CTNNA2: variants seen among roughly 807,000 people sequenced by gnomAD.
CTNNA2 encodes the protein catenin alpha 2, also known as catenin alpha-2.
A neutral mutation model predicts 101.0 loss-of-function variants in CTNNA2; 42 were observed. That is an observed-to-expected ratio of 0.42 (90% CI 0.32 to 0.54). The LOEUF (loss-of-function observed/expected upper bound fraction) is 0.54. Ranked by LOEUF, CTNNA2 falls within the 20% of genes least tolerant of loss-of-function variation. CTNNA2 has a pLI of 0.14. For missense variants in CTNNA2, 871 were observed against 1,223.1 expected, an observed-to-expected ratio of 0.71 and a Z score of 4.29; for synonymous variants, 450 against 456.4, an observed-to-expected ratio of 0.99 and a Z score of 0.18.
At chr2:80,293,201 C>T (rs1675418236) in intron 7 of CTNNA2, among the ~76,000 whole-genome samples, 1 of 152,152 alleles carries the variant, frequency 6.6e-6, no homozygotes, top group Non-Finnish European at 1.5e-5. Flanking sequence ...CAGCTGAAGA[C>T]AGATTGTTGC....
intron 7 of CTNNA2, among the ~76,000 whole-genome samples, chr2:80,346,540 A>G (rs1053374767): frequency 6.6e-6 from 1 of 152,140 alleles, no homozygotes; most frequent in African/African-American, 2.4e-5. Flanking sequence ...TTCAACATGA[A>G]ATTGGGGTGG....
At chr2:79,634,115 G>T (rs1679863536) in intron 1 of CTNNA2, among the ~76,000 whole-genome samples, 1 of 152,186 alleles carries the variant, frequency 6.6e-6, no homozygotes, top group Non-Finnish European at 1.5e-5. Context: ...TTTATCAAGA[G>T]AATAATTTTG....
chr2:80,267,646 A>T (rs1024585860), intron 7 of CTNNA2, among the ~76,000 whole-genome samples: 1 of 152,198 alleles, frequency 6.6e-6, no homozygotes, highest in African/African-American at 2.4e-5. Flanking sequence ...GAGAACATAA[A>T]AAAAGGGTTC....
intron 7 of CTNNA2, among the ~76,000 whole-genome samples, chr2:79,956,387 G>T (rs994486744): frequency 6.6e-6 from 1 of 152,046 alleles, no homozygotes; most frequent in South Asian, 2.1e-4. Context: ...CAATATTTAC[G>T]TTTAAAGAAA....
chr2:79,467,374 A>G (rs918212496), intron 4 of CTNNA2, among the ~76,000 whole-genome samples: 1 of 152,242 alleles, frequency 6.6e-6, no homozygotes, highest in Non-Finnish European at 1.5e-5. Context: ...ATTTGGGACT[A>G]TGTGAAAAGA....
rs575267906 is a variant in CTNNA2, at chr2:79,677,896, T to C, written c.102+26238T>C. Reference sequence around the variant, plus strand: ...GTGGACATGTGTAACATGGGCATCCTGTCCTCCGGAAAGACATTTAAGATG... The same window carrying C: ...GTGGACATGTGTAACATGGGCATCCCGTCCTCCGGAAAGACATTTAAGATG... On this transcript the variant is annotated intron_variant, in intron 2 of 18. Transcript: ENST00000402739. 2.5e-4 allele frequency among the ~76,000 whole-genome samples: 38 copies of C among 152,378 alleles called. No individual in the cohort carries two copies. In the South Asian group the frequency reaches 7.7e-3, roughly 31 times the overall value.
chr2:79,669,254 T>C (rs1256916781), intron 2 of CTNNA2, among the ~76,000 whole-genome samples: 2 of 152,344 alleles, frequency 1.3e-5, no homozygotes, highest in African/African-American at 2.4e-5. Flanking sequence ...CAGTCAAATA[T>C]CTGCTAGTTG....
intron 1 of CTNNA2, among the ~76,000 whole-genome samples, chr2:79,589,329 G>T (rs970424953): frequency 6.6e-6 from 1 of 152,108 alleles, no homozygotes; most frequent in African/African-American, 2.4e-5. Flanking sequence ...TTAGCCTGGA[G>T]AAATTACTTA....
chr2:79,523,400 A>C (rs1672226449), intron 1 of CTNNA2: 1 of 222,488 alleles, frequency 4.5e-6, no homozygotes, highest in Non-Finnish European at 9.0e-6. Context: ...TATAGTTTAA[A>C]GATATCTCCA....
chr2:79,840,662 C>T (rs1410380598), intron 3 of CTNNA2, among the ~76,000 whole-genome samples: 1 of 152,016 alleles, frequency 6.6e-6, no homozygotes, highest in Non-Finnish European at 1.5e-5. Context: ...TGGCTGGGTA[C>T]AGTAGCTCAC....
intron 7 of CTNNA2, among the ~76,000 whole-genome samples, chr2:80,229,940 G>A (rs777135166): frequency 1.4e-4 from 22 of 152,142 alleles, no homozygotes; most frequent in Non-Finnish European, 1.8e-4. Context: ...ATATGATAGC[G>A]GTGGTCCTAT....
chr2:80,169,651 G>A (rs1704921010), intron 7 of CTNNA2, among the ~76,000 whole-genome samples: 1 of 152,066 alleles, frequency 6.6e-6, no homozygotes, highest in Non-Finnish European at 1.5e-5. Context: ...TTCCTACCTT[G>A]GCGGCACCTT....
At chr2:79,970,309 C>T (rs980190496) in intron 7 of CTNNA2, among the ~76,000 whole-genome samples, 11 of 152,130 alleles carry the variant, frequency 7.2e-5, no homozygotes, top group Non-Finnish European at 5.9e-5. Context: ...TTCTACTCCA[C>T]GGGTATGAGG....
chr2:79,646,260 G>A (rs1680805084), intron 1 of CTNNA2, among the ~76,000 whole-genome samples: 1 of 152,184 alleles, frequency 6.6e-6, no homozygotes, highest in South Asian at 2.1e-4. Flanking sequence ...ATGGGAACTC[G>A]AGTCAGTTTC....
intron 9 of CTNNA2, among the ~76,000 whole-genome samples, chr2:80,489,710 GTTC>G (rs935396730): frequency 4.6e-5 from 7 of 152,170 alleles, no homozygotes; most frequent in South Asian, 2.1e-4. Flanking sequence ...AGACACCACA[GTTC>G]TTCTTCTTGG....
rs566826838 is a variant in CTNNA2, at chr2:79,221,616, T to A, written c.-406+23540T>A. 7.9e-3 allele frequency among the ~76,000 whole-genome samples: 1,201 copies of A among 151,932 alleles called. 19 individuals carry two copies. The highest frequency in any genetic ancestry group is 0.026 in the African/African-American group (1,068 of 41,458). ...GCTAGCTTGGCAAATTTTTTTTTTTTAAAAAACTGACAAGTCTGTATTGTC... is the reference window on the plus strand; with the variant it reads ...GCTAGCTTGGCAAATTTTTTTTTTTAAAAAAACTGACAAGTCTGTATTGTC... On this transcript the variant is annotated intron_variant, in intron 2 of 21. Transcript: ENST00000466387.
At chr2:80,072,083 T>C (rs955119082) in intron 7 of CTNNA2, among the ~76,000 whole-genome samples, 2 of 152,102 alleles carry the variant, frequency 1.3e-5, no homozygotes, top group East Asian at 3.9e-4. Context: ...CACTGAGAGC[T>C]CCACAAATTC....
At chr2:79,987,857 G>A (rs911763135) in intron 7 of CTNNA2, among the ~76,000 whole-genome samples, 5 of 152,178 alleles carry the variant, frequency 3.3e-5, no homozygotes, top group Admixed American at 6.5e-5. Context: ...TAATTCTTAC[G>A]TTGTTTTCAA....
chr2:79,931,176 A>G lies in CTNNA2; in HGVS notation c.1056+21379A>G, dbSNP rs771923792. On this transcript the variant is annotated intron_variant, in intron 7 of 18. Coordinates refer to ENST00000402739, the MANE Select transcript of CTNNA2 (RefSeq NM_001282597.3). Reference sequence around the variant, plus strand: ...TGCACAATGCAACTGTTCACTGTGTATGTGTTAACTAGTGGTTAAAAGACC... The same window carrying G: ...TGCACAATGCAACTGTTCACTGTGTGTGTGTTAACTAGTGGTTAAAAGACC... 1.2e-3 allele frequency among the ~76,000 whole-genome samples: 189 copies of G among 152,224 alleles called. 1 individual carries two copies. Among genetic ancestry groups the G allele is most frequent in the Non-Finnish European group, 2.2e-3 (148 of 68,034 alleles).
Sources: gnomAD v4.1 joint callset for allele counts (sites outside exome capture counted in the v4.1 genomes callset) on GRCh38, gnomAD v4.1.1 for gene constraint, MANE v1.5 for transcripts, NCBI Gene and HGNC (gene_info 2026-07-23, HGNC 2026-07-21) for gene names.